The following TBC1D5 variants were observed in gnomAD, a reference collection of about 807,000 sequenced individuals.
TBC1D5 encodes TBC1 domain family, member 5.
In TBC1D5, 75 loss-of-function variants were observed where a neutral mutation model predicts 100.3. The ratio of observed to expected loss-of-function variants is 0.75; its 90% CI spans 0.62 to 0.91. TBC1D5 has a LOEUF of 0.91. TBC1D5 is among the 40% of genes least tolerant of loss of function. The probability of loss-of-function intolerance (pLI) is 0.00; values close to 1 mark genes in which losing one functional copy is unlikely to be tolerated. For synonymous variants in TBC1D5, 323 were observed against 325.6 expected, an observed-to-expected ratio of 0.99 and a Z score of 0.09; for missense variants, 910 against 942.4, an observed-to-expected ratio of 0.97 and a Z score of 0.45.
chr3:17,364,118 C>A (rs1355195983), intron 13 of TBC1D5, among the ~76,000 whole-genome samples: 1 of 151,688 alleles, frequency 6.6e-6, no homozygotes, highest in Non-Finnish European at 1.5e-5. Flanking sequence ...CAAAATCTAT[C>A]GTCATTGGAA....
At chr3:17,400,637 T>G (rs968216923) in intron 8 of TBC1D5, among the ~76,000 whole-genome samples, 2 of 152,026 alleles carry the variant, frequency 1.3e-5, no homozygotes, top group Non-Finnish European at 2.9e-5. Flanking sequence ...GTGAGGGTGT[T>G]GCCAAAGGAG....
At chr3:17,547,175 G>GT (rs1368627644) in intron 2 of TBC1D5, 1 of 152,114 alleles carries the variant, frequency 6.6e-6, no homozygotes, top group Non-Finnish European at 1.5e-5. Flanking sequence ...ACAAGTTAAC[G>GT]TAAGATATTA....
At position 17,192,839 on chromosome 3, in the gene TBC1D5, G is replaced by A. The variant is rs116053449; in HGVS notation, c.1753-7631C>T. Reference sequence around the variant, plus strand: ...TGTTTTTCAGCCACTGAAGCACTGCGGTGTCCCACCGCTGACGTCCTCACT... The same window carrying A: ...TGTTTTTCAGCCACTGAAGCACTGCAGTGTCCCACCGCTGACGTCCTCACT... On this transcript the variant is annotated intron_variant, in intron 18 of 21. Coordinates refer to ENST00000253692, the Ensembl canonical transcript of TBC1D5. Among the ~76,000 whole-genome samples the A allele has an allele frequency of 5.5e-3, 832 of 152,320 alleles. 9 individuals are homozygous for A. The highest frequency in any genetic ancestry group is 0.019 in the African/African-American group (773 of 41,560).
intron 2 of TBC1D5, among the ~76,000 whole-genome samples, chr3:17,512,277 C>A (rs946900825): frequency 6.6e-6 from 1 of 151,888 alleles, no homozygotes; most frequent in Non-Finnish European, 1.5e-5. Context: ...TTTTTACCTG[C>A]AAATATCAAA....
rs138197313 is a variant in TBC1D5 at position 17,257,531 on chromosome 3, G to C, written c.1331+975C>G. ...GAGCTACAGAACTGGTCTCATAATT[G>C]CATGGTACATCAATATATGGAGCAA... On this transcript the variant is annotated intron_variant, in intron 16 of 21. Coordinates refer to ENST00000253692, the Ensembl canonical transcript of TBC1D5. Among the ~76,000 whole-genome samples, 12 of 152,270 alleles carry C rather than the reference G, an allele frequency of 7.9e-5. No individual in the cohort carries two copies. In the East Asian group the frequency reaches 1.2e-3, roughly 15 times the overall value.
At chr3:17,676,728 A>T (rs1170001700) in intron 1 of TBC1D5, among the ~76,000 whole-genome samples, 2 of 152,238 alleles carry the variant, frequency 1.3e-5, no homozygotes, top group Non-Finnish European at 2.9e-5. Context: ...AGCTGGAGGC[A>T]TCATGCTACC....
In TBC1D5 at chr3:17,331,708, C is replaced by A. The variant is rs556630385; in HGVS notation, c.996-23574G>T. ...AGAAGTACTTAATAAATCATAAATG[C>A]TATTAAGAAAAATAAAATAGGTAAG... On this transcript the variant is annotated intron_variant, in intron 13 of 21. Coordinates refer to ENST00000253692, the Ensembl canonical transcript of TBC1D5. Among the ~76,000 whole-genome samples, 15 of 152,154 alleles carry A rather than the reference C, an allele frequency of 9.9e-5. No homozygotes were observed. The South Asian group carries it at 3.1e-3, about 32-fold the overall frequency.
At chr3:17,423,552 A>G (rs1171803801) in intron 4 of TBC1D5, among the ~76,000 whole-genome samples, 1 of 152,152 alleles carries the variant, frequency 6.6e-6, no homozygotes, top group African/African-American at 2.4e-5. Flanking sequence ...TTTGGTGTTT[A>G]TAATTTTGAA....
intron 2 of TBC1D5, among the ~76,000 whole-genome samples, chr3:17,521,451 TATAAC>T (rs1355600398): frequency 1.3e-5 from 2 of 152,222 alleles, no homozygotes; most frequent in Non-Finnish European, 2.9e-5. Context: ...GTATAGTACA[TATAAC>T]ATACAAAATA....
intron 8 of TBC1D5, among the ~76,000 whole-genome samples, chr3:17,400,631 G>C (rs1401654630): frequency 1.3e-5 from 2 of 152,086 alleles, no homozygotes; most frequent in Non-Finnish European, 2.9e-5. Context: ...GTGTCTGTGA[G>C]GGTGTTGCCA....
chr3:17,521,460 C>T (rs1401535651), intron 2 of TBC1D5, among the ~76,000 whole-genome samples: 1 of 152,140 alleles, frequency 6.6e-6, no homozygotes, highest in Non-Finnish European at 1.5e-5. Context: ...ATATAACATA[C>T]AAAATATGTG....
intron 13 of TBC1D5, among the ~76,000 whole-genome samples, chr3:17,320,162 A>C (rs1327770585): frequency 2.6e-5 from 4 of 152,186 alleles, no homozygotes; most frequent in Non-Finnish European, 5.9e-5. Context: ...ATGTTACCTC[A>C]GCACTTTAGT....
intron 3 of TBC1D5, among the ~76,000 whole-genome samples, chr3:17,472,689 G>T (rs1480183391): frequency 6.6e-6 from 1 of 152,134 alleles, no homozygotes; most frequent in Non-Finnish European, 1.5e-5. Flanking sequence ...GTAATTCTCA[G>T]CATCTATAAT....
At chr3:17,391,763 G>T (rs1282028279) in intron 8 of TBC1D5, among the ~76,000 whole-genome samples, 1 of 151,990 alleles carries the variant, frequency 6.6e-6, no homozygotes, top group Non-Finnish European at 1.5e-5. Flanking sequence ...GGAGGAAAGG[G>T]GTTCCTTATT....
At chr3:17,683,628 G>A (rs1360431470) in intron 1 of TBC1D5, among the ~76,000 whole-genome samples, 2 of 152,146 alleles carry the variant, frequency 1.3e-5, no homozygotes, top group African/African-American at 4.8e-5. Context: ...CTATCTATGT[G>A]TACAAAACTG....
chr3:17,230,890 G>A (rs970524820), intron 17 of TBC1D5, among the ~76,000 whole-genome samples: 32 of 151,960 alleles, frequency 2.1e-4, no homozygotes, highest in African/African-American at 7.0e-4. Context: ...AATAACCTAC[G>A]CATATCCTCC....
At chr3:17,396,521 A>G (rs1195659214) in intron 8 of TBC1D5, among the ~76,000 whole-genome samples, 2 of 152,068 alleles carry the variant, frequency 1.3e-5, no homozygotes, top group Non-Finnish European at 2.9e-5. Flanking sequence ...TGTGACATCA[A>G]TGGACCAAAT....
Position 17,707,859 on chromosome 3 carries a change from A to T in TBC1D5, c.-101+31484T>A, listed in dbSNP as rs138588473. Reference sequence around the variant, plus strand: ...AACATGCTGTACCAAGTACCAGAAAAAATTCATCAATGAGTGTATTTTTGT... The same window carrying T: ...AACATGCTGTACCAAGTACCAGAAATAATTCATCAATGAGTGTATTTTTGT... On this transcript the variant is annotated intron_variant, in intron 1 of 21. Coordinates refer to ENST00000253692, the Ensembl canonical transcript of TBC1D5. Among the ~76,000 whole-genome samples the T allele has an allele frequency of 1.2e-3, 180 of 152,358 alleles. 4 individuals are homozygous for T. The East Asian group carries it at 0.028, about 23-fold the overall frequency.
chr3:17,227,557 A>C (rs2075023042), intron 17 of TBC1D5, among the ~76,000 whole-genome samples: 1 of 152,094 alleles, frequency 6.6e-6, no homozygotes, highest in Admixed American at 6.5e-5. Context: ...AGGAACATAG[A>C]TGGAGCTGGG....
Sources: allele counts gnomAD v4.1 joint callset (sites outside exome capture counted in the v4.1 genomes callset), GRCh38; gene constraint gnomAD v4.1.1; transcripts MANE v1.5; gene names NCBI Gene and HGNC (gene_info 2026-07-23, HGNC 2026-07-21).